EPPIN: variants seen among roughly 807,000 people sequenced by gnomAD.
The protein encoded by EPPIN is epididymal peptidase inhibitor, also known as WAP four-disulfide core domain protein 7.
A neutral mutation model predicts 18.8 loss-of-function variants in EPPIN; 14 were observed. The ratio of observed to expected loss-of-function variants is 0.75; its 90% confidence interval spans 0.49 to 1.17. EPPIN has a LOEUF of 1.17. Among genes scored for constraint, EPPIN ranks in the 50% most tolerant of loss-of-function variants. The pLI is 0.00. For missense variants in EPPIN, 143 were observed against 154.2 expected, an observed-to-expected ratio of 0.93 and a Z score of 0.39; for synonymous variants, 57 against 54.8, an observed-to-expected ratio of 1.04 and a Z score of -0.18.
intron 2 of EPPIN, 80 bp from the exon 3 acceptor site, chr20:45,542,947 G>T (rs2231837): frequency 2.6e-6 from 4 of 1,522,132 alleles, no homozygotes; most frequent in African/African-American, 1.4e-5. Context: ...CCTGGCAACT[G>T]CTATAGAAGA....
chr20:45,546,595 C>T (rs1036675662), intron 1 of EPPIN, among the ~76,000 whole-genome samples: 6 of 152,128 alleles, frequency 3.9e-5, no homozygotes, highest in Admixed American at 3.3e-4. Flanking sequence ...TTTACACATG[C>T]GGAAACTGAG....
chr20:45,542,343 C>T, intron 3 of EPPIN, 189 bp from the exon 4 acceptor site: 1 of 756,862 alleles, frequency 1.3e-6, no homozygotes, highest in Non-Finnish European at 2.1e-6. Flanking sequence ...TGTGTTGAGA[C>T]ATTGATGGCT....
At position 45,547,313 on chromosome 20, in the gene EPPIN, G is replaced by C; in HGVS notation, c.45C>G (p.Leu15=). ...GACCAGGTCCCTGGACATTCGCTAAGAGGACGAATAGCACCAGGAGGCTCA... is the reference window on the plus strand; with the variant it reads ...GACCAGGTCCCTGGACATTCGCTAACAGGACGAATAGCACCAGGAGGCTCA... The part of the protein sequence containing the change: ...GLLSLLVLFV[L]LANVQGPGLT... The change falls in exon 1 of 4, where the codon CTC becomes CTG. Residue 15 remains leucine (L), a synonymous_variant. Coordinates refer to ENST00000354280, the MANE Select transcript of EPPIN (RefSeq NM_020398.4). The C allele has an allele frequency of 6.2e-7, 1 of 1,613,978 alleles. No homozygotes were observed. Among genetic ancestry groups the C allele is most frequent in the Non-Finnish European group, 8.5e-7 (1 of 1,179,910 alleles).
chr20:45,546,738 A>G (rs1000429870), intron 1 of EPPIN, among the ~76,000 whole-genome samples: 4 of 152,224 alleles, frequency 2.6e-5, no homozygotes, highest in African/African-American at 9.7e-5. Flanking sequence ...GTGTTCAGCA[A>G]ATGATACCAA....
At chr20:45,545,938 C>A (rs544336092) in intron 1 of EPPIN, 168 bp from the exon 2 acceptor site, 8 of 966,464 alleles carry the variant, frequency 8.3e-6, no homozygotes, top group East Asian at 7.8e-5. Context: ...ACTGCCTACA[C>A]CCCCACCACT....
At chr20:45,545,926 C>T in intron 1 of EPPIN, 156 bp from the exon 2 acceptor site, 2 of 1,118,590 alleles carry the variant, frequency 1.8e-6, no homozygotes, top group Non-Finnish European at 2.5e-6. Flanking sequence ...ACTCATTTCC[C>T]TACTGCCTAC....
At chr20:45,542,175 A>T in intron 3 of EPPIN, 21 bp from the exon 4 acceptor site, 1 of 1,613,400 alleles carries the variant, frequency 6.2e-7, no homozygotes, top group Non-Finnish European at 8.5e-7. Context: ...CGTAGGACAG[A>T]AACAGCTGAG....
chr20:45,542,324 C>A (rs1979629256), intron 3 of EPPIN, 170 bp from the exon 4 acceptor site: 3 of 861,430 alleles, frequency 3.5e-6, no homozygotes, highest in South Asian at 3.6e-5. Flanking sequence ...TGAATCGCTG[C>A]CAAAGAGTTG....
intron 2 of EPPIN, chr20:45,545,164 T>C (rs1979770067): frequency 6.3e-6 from 1 of 159,300 alleles, no homozygotes; most frequent in African/African-American, 2.4e-5. Flanking sequence ...GAAACTAAGA[T>C]GCAGCAGAAA....
At chr20:45,543,017 T>C (rs1380310394) in intron 2 of EPPIN, 150 bp from the exon 3 acceptor site, 5 of 1,207,690 alleles carry the variant, frequency 4.1e-6, no homozygotes, top group African/African-American at 1.6e-5. Context: ...ACTGACATAT[T>C]GCACACATTT....
In EPPIN at chr20:45,542,159, A is replaced by G. The variant is rs769665974; in HGVS notation, c.392-5T>C. 6.2e-7 allele frequency: 1 copy of G among 1,613,530 alleles called. No individual in the cohort carries two copies. Among genetic ancestry groups the G allele is most frequent in the Non-Finnish European group, 8.5e-7 (1 of 1,179,768 alleles). On this transcript the variant is annotated splice_polypyrimidine_tract_variant and splice_region_variant and intron_variant, in intron 3 of 3. Transcript: ENST00000354280. ...CCTTATCCAATCAGGGAAAGCCTGC[A>G]GAGAACGTAGGACAGAAACAGCTGA...
rs752875629 is a variant in EPPIN at position 45,542,697 on chromosome 20, T to TA, written c.391+2dup. 1.7e-4 allele frequency: 270 copies of TA among 1,613,130 alleles called. No homozygotes were observed. Among genetic ancestry groups the TA allele is most frequent in the Admixed American group, 2.3e-4 (14 of 59,936 alleles). ...ATGAAAGACCGGGGCCCCTAGGACTTACGTTTATTCTTGCAGGTGTTCAGG... is the reference window on the plus strand; with the variant it reads ...ATGAAAGACCGGGGCCCCTAGGACTTAACGTTTATTCTTGCAGGTGTTCAGG... On this transcript the variant is annotated splice_region_variant and intron_variant, in intron 3 of 3. Coordinates refer to ENST00000354280, the MANE Select transcript of EPPIN (RefSeq NM_020398.4).
Position 45,547,324 on chromosome 20 carries a change from G to A in EPPIN, c.34C>T (p.Leu12=), listed in dbSNP as rs1192763301. ...TGGACATTCGCTAAGAGGACGAATA[G>A]CACCAGGAGGCTCAAAAGTCCAGAA... ...GSSGLLSLLV[L]FVLLANVQGP... Residue 12 remains leucine (L), a synonymous_variant, in exon 1 of 4, where the codon CTA becomes TTA. Transcript: ENST00000354280. 2.5e-6 allele frequency: 4 copies of A among 1,613,824 alleles called. No homozygotes were observed. Among genetic ancestry groups the A allele is most frequent in the Non-Finnish European group, 8.5e-7 (1 of 1,179,896 alleles).
rs890426665 is a variant in EPPIN, at chr20:45,541,495, G to C, written c.*649C>G. ...CCACAGTAGTAACCAGCTCATAATA[G>C]ACTCTTCTCTCTTCCCTTCTCTTCC... On this transcript the variant is annotated 3_prime_UTR_variant, in exon 4 of 4. Transcript: ENST00000354280. 2 of 152,142 alleles carry C rather than the reference G, an allele frequency of 1.3e-5. No homozygotes were observed. The highest frequency in any genetic ancestry group is 2.4e-5 in the African/African-American group (1 of 41,400). 9.4% of individuals were successfully genotyped at this position (152,142 alleles called of 1,614,324 possible). A position where few individuals can be genotyped will look rare whatever the true frequency, so the allele number is the denominator to read the frequency against.
At chr20:45,546,755 T>C (rs1340002261) in intron 1 of EPPIN, among the ~76,000 whole-genome samples, 1 of 152,196 alleles carries the variant, frequency 6.6e-6, no homozygotes, top group Non-Finnish European at 1.5e-5. Context: ...CCAATGATCA[T>C]TGTTACATTA....
intron 1 of EPPIN, 94 bp downstream of exon 1, chr20:45,547,173 G>A: frequency 6.4e-7 from 1 of 1,557,732 alleles, no homozygotes; most frequent in East Asian, 2.3e-5. Flanking sequence ...GGCTAAGATG[G>A]TGGAAAGCAA....
At chr20:45,542,894 C>T (rs1979663650) in intron 2 of EPPIN, 27 bp from the exon 3 acceptor site, 1 of 1,594,070 alleles carries the variant, frequency 6.3e-7, no homozygotes, top group Non-Finnish European at 8.5e-7. Flanking sequence ...GAGTTGAAAA[C>T]TCAGTGTGCC....
rs1266213547 is a variant in EPPIN at position 45,540,797 on chromosome 20, A to G, written c.*1347T>C. Reference sequence around the variant, plus strand: ...CAGATGCTGGTAAAGCTGTGGAGAAACATGAATGCTTTTACACTGTTGGGA... The same window carrying G: ...CAGATGCTGGTAAAGCTGTGGAGAAGCATGAATGCTTTTACACTGTTGGGA... On this transcript the variant is annotated 3_prime_UTR_variant, in exon 4 of 4. Transcript: ENST00000354280. 6.6e-6 allele frequency: 1 copy of G among 152,244 alleles called. No individual in the cohort carries two copies. The highest frequency in any genetic ancestry group is 2.1e-4 in the South Asian group (1 of 4,826). The allele number at this position is 152,244 out of a possible 1,614,324, so 9.4% of individuals were successfully genotyped here. A position where few individuals can be genotyped will look rare whatever the true frequency, so the allele number is the denominator to read the frequency against.
intron 2 of EPPIN, 102 bp from the exon 3 acceptor site, chr20:45,542,969 G>A: frequency 6.8e-7 from 1 of 1,478,750 alleles, no homozygotes; most frequent in South Asian, 1.4e-5. Context: ...ACTGGAGTAG[G>A]CTCCTTTTCT....
Sources: allele counts gnomAD v4.1 joint callset (sites outside exome capture counted in the v4.1 genomes callset), GRCh38; gene constraint gnomAD v4.1.1; transcripts MANE v1.5; gene names NCBI Gene and HGNC (gene_info 2026-07-23, HGNC 2026-07-21).